DNM3: variants seen among roughly 807,000 people sequenced by gnomAD.
DNM3 encodes the protein dynamin 3, also known as dynamin-3.
In DNM3, 47 loss-of-function variants were observed where a neutral mutation model predicts 101.6. That is an observed-to-expected ratio of 0.46 (90% CI 0.37 to 0.59). The LOEUF is 0.59. Among genes scored for constraint, DNM3 ranks in the 20% least tolerant of loss-of-function variants. The pLI, the probability that DNM3 is intolerant of heterozygous loss-of-function variation, is 0.00. For missense variants in DNM3, 849 were observed against 1,085.7 expected (o/e 0.78, Z 3.06); for synonymous variants, 385 against 387.9 (o/e 0.99, Z 0.09).
chr1:172,081,794 G>C (rs2053168420), intron 11 of DNM3, 38 bp from the exon 12 acceptor site: 1 of 1,542,744 alleles, frequency 6.5e-7, no homozygotes. Context: ...AGAATTTTTA[G>C]ATGGGTTTTC....
rs531913990 is a variant in DNM3 at position 171,936,879 on chromosome 1, C to T, written c.235+15058C>T. On this transcript the variant is annotated intron_variant, in intron 2 of 20. Transcript: ENST00000627582. ...CCAAGTAAGCAATGATGAATCATCA[C>T]ATTCTGGGAGAGGGGCTCCACAATG... Among the ~76,000 whole-genome samples, 4 of 21,214 alleles carry T rather than the reference C, an allele frequency of 1.9e-4. No individual in the cohort carries two copies. In the South Asian group the frequency reaches 7.4e-3, roughly 39 times the overall value. 13.9% of individuals were successfully genotyped at this position (21,214 alleles called of 152,430 possible). A position where few individuals can be genotyped will look rare whatever the true frequency, so the allele number is the denominator to read the frequency against.
At chr1:172,224,002 A>C (rs1001580209) in intron 14 of DNM3, among the ~76,000 whole-genome samples, 1 of 152,080 alleles carries the variant, frequency 6.6e-6, no homozygotes, top group South Asian at 2.1e-4. Context: ...ATGTCTCCCA[A>C]CTGCTTTGCT....
At position 171,984,049 on chromosome 1, in the gene DNM3, T is replaced by C. The variant is rs746505901; in HGVS notation, c.236-3607T>C. ...AAGTTATCCTTGATGCTTCTCTTTC[T>C]CTCATATCGCAGCTTAAATCCATCA... On this transcript the variant is annotated intron_variant, in intron 2 of 20. Coordinates refer to ENST00000627582, the MANE Select transcript of DNM3 (RefSeq NM_015569.5). Among the ~76,000 whole-genome samples the C allele has an allele frequency of 2.6e-4, 39 of 152,166 alleles. 1 individual carries two copies. Among genetic ancestry groups the C allele is most frequent in the Non-Finnish European group, 2.5e-4 (17 of 68,030 alleles).
chr1:171,995,190 C>G (rs2045920955), intron 4 of DNM3, among the ~76,000 whole-genome samples: 1 of 139,124 alleles, frequency 7.2e-6, no homozygotes, highest in African/African-American at 2.7e-5. Context: ...ACTGCAACCT[C>G]TGCCTCCTGG....
chr1:172,183,026 A>T (rs1323998964), intron 14 of DNM3, among the ~76,000 whole-genome samples: 1 of 152,084 alleles, frequency 6.6e-6, no homozygotes, highest in Admixed American at 6.6e-5. Flanking sequence ...AAGAACTGGT[A>T]AAAAGGCAAC....
intron 14 of DNM3, among the ~76,000 whole-genome samples, chr1:172,162,909 A>G (rs2058595783): frequency 6.6e-6 from 1 of 152,142 alleles, no homozygotes; most frequent in Non-Finnish European, 1.5e-5. Flanking sequence ...TCTTTTAAAT[A>G]TTCCTTTAAT....
chr1:171,888,522 C>T (rs1023921424), intron 1 of DNM3, among the ~76,000 whole-genome samples: 1 of 152,158 alleles, frequency 6.6e-6, no homozygotes, highest in Non-Finnish European at 1.5e-5. Flanking sequence ...GCTTGGCCTC[C>T]TGACCTCGAG....
intron 14 of DNM3, among the ~76,000 whole-genome samples, chr1:172,247,574 G>A (rs899500883): frequency 7.9e-5 from 12 of 152,052 alleles, no homozygotes; most frequent in African/African-American, 2.6e-4. Flanking sequence ...GGTGCCATTA[G>A]TGCATATTTA....
At chr1:172,015,278 G>A (rs966768091) in intron 4 of DNM3, among the ~76,000 whole-genome samples, 1 of 152,058 alleles carries the variant, frequency 6.6e-6, no homozygotes, top group African/African-American at 2.4e-5. Flanking sequence ...ACAAAACTTA[G>A]AATCAGTTTG....
intron 14 of DNM3, chr1:172,144,837 G>A: frequency 3.1e-6 from 1 of 326,722 alleles, no homozygotes; most frequent in Non-Finnish European, 6.1e-6. Flanking sequence ...CAGGAAAAGG[G>A]GGAGGGCTGG....
At chr1:172,303,933 T>TGG (rs2064616467) in intron 15 of DNM3, among the ~76,000 whole-genome samples, 1 of 151,878 alleles carries the variant, frequency 6.6e-6, no homozygotes, top group Non-Finnish European at 1.5e-5. Flanking sequence ...ACATGCCAAA[T>TGG]TGTAAAGACC....
At chr1:172,020,535 A>G (rs993695535) in intron 4 of DNM3, among the ~76,000 whole-genome samples, 6 of 151,944 alleles carry the variant, frequency 3.9e-5, no homozygotes, top group African/African-American at 1.2e-4. Context: ...ACTGGCTAAC[A>G]TGGTGAAACC....
At chr1:172,304,272 G>C (rs1180545213) in intron 15 of DNM3, among the ~76,000 whole-genome samples, 2 of 128,572 alleles carry the variant, frequency 1.6e-5, no homozygotes, top group Non-Finnish European at 3.1e-5. Context: ...AACCAACAAA[G>C]ATCAAAAGAG....
chr1:172,163,359 C>T (rs2058619344), intron 14 of DNM3, among the ~76,000 whole-genome samples: 1 of 151,764 alleles, frequency 6.6e-6, no homozygotes, highest in South Asian at 2.1e-4. Context: ...CTGCCTTAGC[C>T]TCCTGAGTAG....
intron 1 of DNM3, among the ~76,000 whole-genome samples, chr1:171,911,985 A>C (rs186487174): frequency 6.6e-6 from 1 of 152,234 alleles, no homozygotes; most frequent in Non-Finnish European, 1.5e-5. Context: ...CCTCTTACCT[A>C]GGCCAAATGA....
rs34981346 is a variant in DNM3, at chr1:172,027,617, C to CACACACACACACACAGAG, written c.590-4784_590-4783insCACACACACACACAGAGA. On this transcript the variant is annotated intron_variant, in intron 4 of 20. Coordinates refer to ENST00000627582, the MANE Select transcript of DNM3 (RefSeq NM_015569.5). ...ACACACACACACACACACACACACACAGAGAGAGAGAAATTGGATACAGAG... is the reference window on the plus strand; with the variant it reads ...ACACACACACACACACACACACACACACACACACACACACAGAGAGAGAGAGAGAAATTGGATACAGAG... Among the ~76,000 whole-genome samples the CACACACACACACACAGAG allele has an allele frequency of 5.2e-4, 76 of 147,122 alleles. 1 individual carries two copies. The highest frequency in any genetic ancestry group is 1.9e-3 in the African/African-American group (73 of 38,672).
chr1:172,330,335 A>T (rs939876658), intron 17 of DNM3, among the ~76,000 whole-genome samples: 1 of 152,128 alleles, frequency 6.6e-6, no homozygotes, highest in African/African-American at 2.4e-5. Context: ...AGATATATAT[A>T]TAGAAATTTT....
intron 15 of DNM3, among the ~76,000 whole-genome samples, chr1:172,295,458 C>A (rs185097983): frequency 6.6e-6 from 1 of 152,074 alleles, no homozygotes; most frequent in East Asian, 1.9e-4. Flanking sequence ...TAGCAAATGT[C>A]ATGAAGAAAG....
intron 14 of DNM3, among the ~76,000 whole-genome samples, chr1:172,201,899 C>T (rs559289346): frequency 6.6e-6 from 1 of 152,286 alleles, no homozygotes; most frequent in South Asian, 2.1e-4. Context: ...CTGTGGCATG[C>T]TTTGGTTCCA....
Sources: gnomAD v4.1 joint callset for allele counts (sites outside exome capture counted in the v4.1 genomes callset) on GRCh38, gnomAD v4.1.1 for gene constraint, MANE v1.5 for transcripts, NCBI Gene and HGNC (gene_info 2026-07-23, HGNC 2026-07-21) for gene names.